The following BCAS3 variants were observed in gnomAD, a reference collection of about 807,000 sequenced individuals.
BCAS3 encodes the protein BCAS3 microtubule associated cell migration factor.
A neutral mutation model predicts 116.1 loss-of-function variants in BCAS3; 53 were observed. The ratio of observed to expected loss-of-function variants is 0.46; its 90% CI spans 0.37 to 0.57. The LOEUF is 0.57. BCAS3 is among the 20% of genes least tolerant of loss of function. The pLI is 0.00. For missense variants in BCAS3, 917 were observed against 1,165.4 expected (o/e 0.79, Z 3.10); for synonymous variants, 391 against 408.2 (o/e 0.96, Z 0.51).
intron 10 of BCAS3, among the ~76,000 whole-genome samples, chr17:60,902,056 C>G (rs966365911): frequency 5.3e-5 from 8 of 152,158 alleles, no homozygotes; most frequent in African/African-American, 1.9e-4. Context: ...ATGTCTTTTT[C>G]ATTCCTAATG....
chr17:61,154,541 T>C (rs1371147005), intron 22 of BCAS3, among the ~76,000 whole-genome samples: 2 of 151,896 alleles, frequency 1.3e-5, no homozygotes, highest in Non-Finnish European at 1.5e-5. Flanking sequence ...GCTCAAGCAG[T>C]TCTCCCAACT....
intron 22 of BCAS3, among the ~76,000 whole-genome samples, chr17:61,114,511 A>T (rs1325625438): frequency 2.6e-5 from 4 of 151,162 alleles, no homozygotes; most frequent in Middle Eastern, 3.4e-3. Context: ...AGAATAAAAT[A>T]CCTAGGAATA....
chr17:60,711,856 T>A (rs1387308454), intron 5 of BCAS3, among the ~76,000 whole-genome samples: 1 of 151,864 alleles, frequency 6.6e-6, no homozygotes, highest in Non-Finnish European at 1.5e-5. Flanking sequence ...AGTTTGAGAC[T>A]AACCTGGGCA....
In BCAS3 at chr17:61,369,860, C is replaced by T. The variant is rs138086438; in HGVS notation, c.2593+1366C>T. On this transcript the variant is annotated intron_variant, in intron 23 of 23. Transcript: ENST00000407086. ...GGGCCTAAGTGAGGAATGTGGCTTACGGCACAGGCTTTTGCCTGCATCTCT... is the reference window on the plus strand; with the variant it reads ...GGGCCTAAGTGAGGAATGTGGCTTATGGCACAGGCTTTTGCCTGCATCTCT... Among the ~76,000 whole-genome samples, 406 of 152,372 alleles carry T rather than the reference C, an allele frequency of 2.7e-3. 2 individuals are homozygous for T. Among genetic ancestry groups the T allele is most frequent in the African/African-American group, 8.2e-3 (339 of 41,582 alleles).
intron 6 of BCAS3, among the ~76,000 whole-genome samples, chr17:60,788,180 A>C (rs143427585): frequency 1.3e-5 from 2 of 152,336 alleles, no homozygotes; most frequent in Non-Finnish European, 2.9e-5. Context: ...AATTTTCAGC[A>C]GATGAGTTGA....
At chr17:61,168,813 C>T (rs78244602) in intron 22 of BCAS3, among the ~76,000 whole-genome samples, 1,547 of 152,236 alleles carry the variant, frequency 0.01, 18 homozygotes, top group African/African-American at 0.035. Context: ...TTATATAGTA[C>T]GGTTTTGGAA....
rs965809042 is a variant in BCAS3, at chr17:61,156,401, C to T, written c.2425+71837C>T. Among the ~76,000 whole-genome samples the T allele has an allele frequency of 6.6e-6, 1 of 152,020 alleles. No homozygotes were observed. The highest frequency in any genetic ancestry group is 6.5e-5 in the Admixed American group (1 of 15,268). On this transcript the variant is annotated intron_variant, in intron 22 of 23. Coordinates refer to ENST00000407086, the MANE Select transcript of BCAS3 (RefSeq NM_017679.5). The surrounding 1 kb of genome is among the most constrained non-coding windows in gnomAD (Gnocchi z 4.7). ...TTTATCTTGTTTCTTTTGGGGGAAA[C>T]TTAGAGTAATATTTGGTCTGCCAAA...
rs942119888 is a variant in BCAS3, at chr17:60,993,105, G to A, written c.1486+2870G>A. 2.6e-5 allele frequency among the ~76,000 whole-genome samples: 4 copies of A among 152,102 alleles called. No individual in the cohort carries two copies. Among genetic ancestry groups the A allele is most frequent in the Non-Finnish European group, 5.9e-5 (4 of 68,014 alleles). On this transcript the variant is annotated intron_variant, in intron 15 of 23. Transcript: ENST00000407086. The surrounding 1 kb of genome is among the most constrained non-coding windows in gnomAD (Gnocchi z 4.2). ...ACAGCAAACCACATAAGAGGTTTTTGTGTTAAGATTCAAGCATAATGTGCA... is the reference window on the plus strand; with the variant it reads ...ACAGCAAACCACATAAGAGGTTTTTATGTTAAGATTCAAGCATAATGTGCA...
At chr17:60,729,363 G>C (rs558208015) in intron 5 of BCAS3, among the ~76,000 whole-genome samples, 2 of 149,364 alleles carry the variant, frequency 1.3e-5, no homozygotes, top group East Asian at 3.9e-4. Context: ...TTAGTCACAG[G>C]GTAGGTGGCA....
intron 22 of BCAS3, among the ~76,000 whole-genome samples, chr17:61,155,559 C>T (rs921136635): frequency 6.6e-6 from 1 of 151,636 alleles, no homozygotes; most frequent in Non-Finnish European, 1.5e-5. Flanking sequence ...GAGCTGCTCT[C>T]TCTAGGAGCG....
intron 22 of BCAS3, among the ~76,000 whole-genome samples, chr17:61,351,925 T>C (rs2057874879): frequency 6.6e-6 from 1 of 152,244 alleles, no homozygotes; most frequent in African/African-American, 2.4e-5. Flanking sequence ...AGCTCGTCTC[T>C]AGGCCTCTTC....
At chr17:61,245,249 C>G (rs2047848241) in intron 22 of BCAS3, 1 of 152,100 alleles carries the variant, frequency 6.6e-6, no homozygotes, top group South Asian at 2.1e-4. Context: ...AAAACAAGAA[C>G]AGGATGGGGA....
rs1178701773 is a variant in BCAS3, at chr17:61,229,624, C to T, written c.2426-138703C>T. Among the ~76,000 whole-genome samples, 1 of 152,218 alleles carries T rather than the reference C, an allele frequency of 6.6e-6. No homozygotes were observed. Among genetic ancestry groups the T allele is most frequent in the Non-Finnish European group, 1.5e-5 (1 of 68,022 alleles). On this transcript the variant is annotated intron_variant, in intron 22 of 23. Coordinates refer to ENST00000407086, the MANE Select transcript of BCAS3 (RefSeq NM_017679.5). The surrounding 1 kb of genome is among the most constrained non-coding windows in gnomAD (Gnocchi z 4.4). ...TCAAACTATAGCACAGACCAATTTTCTTTGTCTAAATACAATAGTTTTCCT... is the reference window on the plus strand; with the variant it reads ...TCAAACTATAGCACAGACCAATTTTTTTTGTCTAAATACAATAGTTTTCCT...
intron 7 of BCAS3, among the ~76,000 whole-genome samples, chr17:60,862,569 A>G (rs1439829618): frequency 6.6e-6 from 1 of 152,102 alleles, no homozygotes; most frequent in African/African-American, 2.4e-5. Flanking sequence ...AAATTTATCC[A>G]TCTCTCCTAT....
chr17:61,195,852 G>A (rs2080447572), intron 22 of BCAS3, among the ~76,000 whole-genome samples: 1 of 152,106 alleles, frequency 6.6e-6, no homozygotes, highest in Non-Finnish European at 1.5e-5. Flanking sequence ...TATTCTGGTT[G>A]GTAATGATCA....
intron 8 of BCAS3, among the ~76,000 whole-genome samples, chr17:60,869,950 C>T (rs1013368879): frequency 6.6e-6 from 1 of 152,172 alleles, no homozygotes; most frequent in Non-Finnish European, 1.5e-5. Flanking sequence ...AAAACTCTTT[C>T]TCTTATTTAC....
intron 22 of BCAS3, among the ~76,000 whole-genome samples, chr17:61,357,199 A>AG (rs2058185402): frequency 6.6e-6 from 1 of 151,408 alleles, no homozygotes; most frequent in South Asian, 2.1e-4. Context: ...GGAAGCCAAC[A>AG]GTTTGAGATC....
At chr17:61,067,756 TAG>T (rs2070878457) in intron 19 of BCAS3, among the ~76,000 whole-genome samples, 1 of 148,646 alleles carries the variant, frequency 6.7e-6, no homozygotes, top group African/African-American at 2.5e-5. Context: ...TATATATATA[TAG>T]AAACACACAC....
Position 60,926,764 on chromosome 17 carries a change from C to T in BCAS3, c.1087+2264C>T, listed in dbSNP as rs901881321. Among the ~76,000 whole-genome samples the T allele has an allele frequency of 3.9e-5, 6 of 151,936 alleles. No individual in the cohort carries two copies. In the East Asian group the frequency reaches 7.7e-4, roughly 20 times the overall value. On this transcript the variant is annotated intron_variant, in intron 13 of 23. Transcript: ENST00000407086. The stretch of plus-strand genomic sequence containing the variant: ...TGACACTGGCAGCTGTATTTTTTTC[C>T]TGTGACTTTGCATTATAAGAAGAAC...
Sources: allele counts gnomAD v4.1 joint callset (sites outside exome capture counted in the v4.1 genomes callset), GRCh38; gene constraint gnomAD v4.1.1; non-coding constraint Gnocchi (gnomAD v3.1); transcripts MANE v1.5; gene names NCBI Gene and HGNC (gene_info 2026-07-23, HGNC 2026-07-21).